CNTN4: variants seen among roughly 807,000 people sequenced by gnomAD.
CNTN4 encodes the protein contactin 4, also known as contactin-4.
CNTN4 carries 77 observed loss-of-function variants against 122.5 expected under a neutral mutation model. The observed-to-expected ratio is 0.63, with a 90% CI of 0.52 to 0.76. The LOEUF (loss-of-function observed/expected upper bound fraction) is 0.76. Ranked by LOEUF, CNTN4 falls within the 30% of genes least tolerant of loss-of-function variation. CNTN4 has a pLI of 0.00. For synonymous variants in CNTN4, 512 were observed against 447.0 expected (o/e 1.15, Z -1.83); for missense variants, 1,256 against 1,259.1 (o/e 1.00, Z 0.04).
chr3:3,053,504 G>A (rs1354466147), intron 23 of CNTN4, among the ~76,000 whole-genome samples: 2 of 152,230 alleles, frequency 1.3e-5, no homozygotes, highest in East Asian at 3.8e-4. Context: ...ACATCCTTAA[G>A]GAGCTACTCA....
At chr3:2,840,193 G>C (rs1308581069) in intron 7 of CNTN4, among the ~76,000 whole-genome samples, 2 of 152,084 alleles carry the variant, frequency 1.3e-5, no homozygotes, top group Non-Finnish European at 2.9e-5. Context: ...TAACAACATA[G>C]CCTGCTTATG....
At chr3:2,702,845 A>G (rs963981976) in intron 4 of CNTN4, among the ~76,000 whole-genome samples, 5 of 152,194 alleles carry the variant, frequency 3.3e-5, no homozygotes, top group African/African-American at 1.2e-4. Flanking sequence ...TGAAACCATT[A>G]GAGATTTCTT....
chr3:2,901,078 G>A (rs1484990401), intron 11 of CNTN4, among the ~76,000 whole-genome samples: 2 of 152,180 alleles, frequency 1.3e-5, no homozygotes, highest in Non-Finnish European at 2.9e-5. Context: ...TAATGGGAAA[G>A]TTATGCAAAA....
chr3:2,532,230 T>A (rs1221263626), intron 3 of CNTN4, among the ~76,000 whole-genome samples: 1 of 152,114 alleles, frequency 6.6e-6, no homozygotes, highest in Non-Finnish European at 1.5e-5. Context: ...TTTTCCTAGG[T>A]CTTATGGCAG....
At chr3:3,006,038 C>T (rs112633456) in intron 14 of CNTN4, among the ~76,000 whole-genome samples, 1 of 151,678 alleles carries the variant, frequency 6.6e-6, no homozygotes, top group African/African-American at 2.4e-5. Context: ...GGCGCCCACC[C>T]CCACGCTCGG....
At chr3:2,343,545 C>T (rs1298482792) in intron 3 of CNTN4, among the ~76,000 whole-genome samples, 3 of 152,184 alleles carry the variant, frequency 2.0e-5, no homozygotes, top group African/African-American at 7.2e-5. Context: ...AGTGGGAAAC[C>T]TCTAGAGGGT....
At chr3:2,459,879 A>G (rs1244686403) in intron 3 of CNTN4, among the ~76,000 whole-genome samples, 3 of 152,262 alleles carry the variant, frequency 2.0e-5, no homozygotes, top group African/African-American at 2.4e-5. Context: ...ATATAGTTTA[A>G]CTGTTGTCAG....
At chr3:2,873,501 T>A (rs1048232163) in intron 8 of CNTN4, among the ~76,000 whole-genome samples, 28 of 152,324 alleles carry the variant, frequency 1.8e-4, no homozygotes, top group Non-Finnish European at 1.6e-4. Flanking sequence ...CCCCACAAAC[T>A]TCTAAATTTA....
intron 3 of CNTN4, among the ~76,000 whole-genome samples, chr3:2,426,102 A>G (rs1391779380): frequency 2.6e-5 from 4 of 152,116 alleles, no homozygotes; most frequent in Admixed American, 1.3e-4. Context: ...TTCCAACACT[A>G]TGTTGAATAG....
chr3:2,539,010 A>G (rs2077926485), intron 3 of CNTN4, among the ~76,000 whole-genome samples: 1 of 151,990 alleles, frequency 6.6e-6, no homozygotes, highest in Non-Finnish European at 1.5e-5. Flanking sequence ...ACTCCCCATT[A>G]TTGAACATTT....
intron 2 of CNTN4, among the ~76,000 whole-genome samples, chr3:2,143,457 A>G (rs1009985568): frequency 6.6e-6 from 1 of 152,228 alleles, no homozygotes; most frequent in African/African-American, 2.4e-5. Flanking sequence ...ATTAATAATT[A>G]ATCACATTAT....
chr3:2,886,896 A>T, intron 9 of CNTN4, 144 bp from the exon 10 acceptor site: 2 of 655,800 alleles, frequency 3.0e-6, no homozygotes, highest in South Asian at 3.7e-5. Context: ...GATATGATTA[A>T]AGTTATAATG....
chr3:3,040,157 T>A lies in CNTN4; in HGVS notation c.2284T>A (p.Phe762Ile), dbSNP rs1424534060. The stretch of plus-strand genomic sequence containing the variant: ...CTCAGCTGATGCCTCTAGATACGTG[T>A]TCAGGAATGAGAGCGTGCACCCCTT... ...LASADASRYV[F>I]RNESVHPFSP... The change falls in exon 20 of 25, where the codon TTC (phenylalanine) becomes ATC (isoleucine). Residue 762 changes from phenylalanine to isoleucine, a missense_variant. Physicochemically the swap from Phe to Ile is conservative, Grantham distance 21. Transcript: ENST00000418658. 2 of 1,614,184 alleles carry A rather than the reference T, an allele frequency of 1.2e-6. No homozygotes were observed. Among genetic ancestry groups the A allele is most frequent in the Non-Finnish European group, 1.7e-6 (2 of 1,180,004 alleles).
chr3:2,655,558 G>T (rs1576357679), intron 4 of CNTN4, among the ~76,000 whole-genome samples: 1 of 152,126 alleles, frequency 6.6e-6, no homozygotes, highest in Non-Finnish European at 1.5e-5. Flanking sequence ...CTGTATTCTA[G>T]CATGCAGGGC....
intron 2 of CNTN4, among the ~76,000 whole-genome samples, chr3:2,276,983 C>T (rs923396310): frequency 4.6e-5 from 7 of 151,990 alleles, no homozygotes; most frequent in African/African-American, 1.7e-4. Context: ...ATCCATATGC[C>T]ACAGGATGGC....
At chr3:2,764,731 C>T (rs1468159523) in intron 6 of CNTN4, among the ~76,000 whole-genome samples, 1 of 152,218 alleles carries the variant, frequency 6.6e-6, no homozygotes, top group East Asian at 1.9e-4. Flanking sequence ...ACATCGTCAA[C>T]CATCCACCTG....
chr3:2,965,699 G>A (rs1692235289), intron 13 of CNTN4, among the ~76,000 whole-genome samples: 1 of 152,112 alleles, frequency 6.6e-6, no homozygotes, highest in South Asian at 2.1e-4. Context: ...CTTATCCTGG[G>A]ATAAAGTCTT....
rs73807729 is a variant in CNTN4, at chr3:2,335,577, T to C, written c.-144-3601T>C. Reference sequence around the variant, plus strand: ...GCACAAAAGCGGCCCAGAAAAAAATTCTGTGGGTTTTTTTTTTTTTTTTTT... The same window carrying C: ...GCACAAAAGCGGCCCAGAAAAAAATCCTGTGGGTTTTTTTTTTTTTTTTTT... On this transcript the variant is annotated intron_variant, in intron 2 of 24. Coordinates refer to ENST00000418658, the MANE Select transcript of CNTN4 (RefSeq NM_175607.3). Among the ~76,000 whole-genome samples, 4 of 102,550 alleles carry C rather than the reference T, an allele frequency of 3.9e-5. 1 individual carries two copies. The East Asian group carries it at 1.2e-3, about 31-fold the overall frequency. The allele number at this position is 102,550 out of a possible 152,430, so 67.3% of individuals were successfully genotyped here.
chr3:2,489,371 A>G (rs1180324031), intron 3 of CNTN4, among the ~76,000 whole-genome samples: 1 of 152,154 alleles, frequency 6.6e-6, no homozygotes, highest in Non-Finnish European at 1.5e-5. Context: ...TACTTATTTG[A>G]ATGAAACTGG....
Sources: gnomAD v4.1 joint callset for allele counts (sites outside exome capture counted in the v4.1 genomes callset) on GRCh38, gnomAD v4.1.1 for gene constraint, MANE v1.5 for transcripts, NCBI Gene and HGNC (gene_info 2026-07-23, HGNC 2026-07-21) for gene names.